Variants in FKBP5 observed in about 807,000 individuals in gnomAD.
FKBP5 encodes the protein FKBP prolyl isomerase 5.
Under a neutral mutation model 50.5 loss-of-function variants are expected in FKBP5, and 23 were observed. The ratio of observed to expected loss-of-function variants is 0.46; its 90% CI spans 0.33 to 0.65. The LOEUF (loss-of-function observed/expected upper bound fraction) is 0.65, where lower values mean the gene tolerates loss of function less well. FKBP5 is among the 30% of genes least tolerant of loss of function. The pLI is 0.02. For missense variants in FKBP5, 411 were observed against 553.1 expected (o/e 0.74, Z 2.58); for synonymous variants, 176 against 190.6 (o/e 0.92, Z 0.63).
At chr6:35,615,930 GT>G (rs1284528854) in intron 5 of FKBP5, among the ~76,000 whole-genome samples, 9 of 152,130 alleles carry the variant, frequency 5.9e-5, no homozygotes, top group Admixed American at 5.9e-4. Context: ...CACTTCAGTG[GT>G]ATTTTCAAAA....
At chr6:35,588,622 AC>A (rs1762690427) in intron 7 of FKBP5, among the ~76,000 whole-genome samples, 1 of 150,090 alleles carries the variant, frequency 6.7e-6, no homozygotes, top group Non-Finnish European at 1.5e-5. Context: ...TTTTTTTGAG[AC>A]AGGATCTTGC....
chr6:35,707,301 C>G (rs1291014414), intron 2 of FKBP5, among the ~76,000 whole-genome samples: 4 of 149,416 alleles, frequency 2.7e-5, no homozygotes, highest in Non-Finnish European at 4.4e-5. Flanking sequence ...ACCACAACCT[C>G]TGCCTCCCAG....
intron 2 of FKBP5, among the ~76,000 whole-genome samples, chr6:35,713,101 A>AAG (rs1766443515): frequency 2.7e-5 from 4 of 149,198 alleles, no homozygotes; most frequent in African/African-American, 4.9e-5. Context: ...AAAAAAAAAA[A>AAG]AAGAAGAAGA....
chr6:35,700,505 C>G (rs1766161073), intron 2 of FKBP5, among the ~76,000 whole-genome samples: 1 of 152,178 alleles, frequency 6.6e-6, no homozygotes, highest in African/African-American at 2.4e-5. Context: ...GGGTATCCAC[C>G]TTGGTAGGCC....
intron 1 of FKBP5, among the ~76,000 whole-genome samples, chr6:35,647,453 T>C (rs1029328988): frequency 6.6e-6 from 1 of 152,216 alleles, no homozygotes; most frequent in African/African-American, 2.4e-5. Context: ...AAACAAGACA[T>C]GTTCCTAACT....
intron 8 of FKBP5, chr6:35,585,781 A>G (rs1762580526): frequency 1.0e-6 from 1 of 985,210 alleles, no homozygotes; most frequent in African/African-American, 1.7e-5. Flanking sequence ...CTTATAACAT[A>G]TTGCAATACA....
At chr6:35,583,012 A>T in intron 8 of FKBP5, 1 of 906,194 alleles carries the variant, frequency 1.1e-6, no homozygotes, top group South Asian at 5.1e-5. Flanking sequence ...TCTTAAGTCC[A>T]GGAGTTCGAA....
intron 1 of FKBP5, among the ~76,000 whole-genome samples, chr6:35,647,201 C>A (rs1404173972): frequency 6.6e-6 from 1 of 152,014 alleles, no homozygotes; most frequent in Non-Finnish European, 1.5e-5. Flanking sequence ...TTCAAGTAAG[C>A]AGAAAGCAAA....
intron 2 of FKBP5, among the ~76,000 whole-genome samples, chr6:35,695,250 G>C (rs917565765): frequency 1.8e-4 from 27 of 152,132 alleles, no homozygotes; most frequent in African/African-American, 6.3e-4. Context: ...TGCAACCTCC[G>C]CCTCCTGGGT....
chr6:35,628,091 G>C (rs1268747655), intron 3 of FKBP5, among the ~76,000 whole-genome samples: 2 of 151,870 alleles, frequency 1.3e-5, no homozygotes, highest in South Asian at 4.2e-4. Flanking sequence ...TATTCTTATG[G>C]GAAGGTTTCT....
intron 2 of FKBP5, among the ~76,000 whole-genome samples, chr6:35,702,958 G>C (rs969478791): frequency 3.3e-5 from 5 of 151,990 alleles, no homozygotes; most frequent in African/African-American, 1.2e-4. Context: ...TTTTTTCAAA[G>C]TTAAATTCAG....
intron 1 of FKBP5, among the ~76,000 whole-genome samples, chr6:35,678,893 G>A (rs1417160683): frequency 6.6e-6 from 1 of 152,272 alleles, no homozygotes; most frequent in East Asian, 1.9e-4. Context: ...ACCAGCTTGA[G>A]CAACATAGTG....
intron 8 of FKBP5, chr6:35,581,523 G>A: frequency 1.1e-6 from 1 of 936,430 alleles, no homozygotes; most frequent in African/African-American, 1.8e-5. Flanking sequence ...CTAAGAGGCA[G>A]AGGTTGCAGT....
intron 2 of FKBP5, among the ~76,000 whole-genome samples, chr6:35,639,187 A>C (rs75445693): frequency 0.024 from 3,584 of 152,282 alleles, 95 homozygotes; most frequent in African/African-American, 0.056. Flanking sequence ...TTACTATAGG[A>C]CAGGCACTAT....
intron 1 of FKBP5, among the ~76,000 whole-genome samples, chr6:35,683,631 A>AT (rs1414863470): frequency 7.6e-6 from 1 of 131,392 alleles, no homozygotes; most frequent in Admixed American, 7.8e-5. Context: ...ATGACTGGCT[A>AT]ATTTTTTTTT....
At chr6:35,619,791 T>C (rs1290429123) in intron 4 of FKBP5, among the ~76,000 whole-genome samples, 3 of 152,200 alleles carry the variant, frequency 2.0e-5, no homozygotes, top group Admixed American at 1.3e-4. Context: ...CAACGTGACA[T>C]AGGCATATTT....
upstream of FKBP5, among the ~76,000 whole-genome samples, chr6:35,693,544 G>GAGTC (rs748239664): frequency 2.2e-4 from 33 of 150,886 alleles, no homozygotes; most frequent in Non-Finnish European, 1.9e-4. Context: ...TTTTGAGACA[G>GAGTC]AGTCTTGCTC....
upstream of FKBP5, among the ~76,000 whole-genome samples, chr6:35,689,594 G>A (rs747900103): frequency 1.6e-4 from 24 of 152,136 alleles, no homozygotes; most frequent in Admixed American, 1.2e-3. Context: ...TGTAATCCCA[G>A]CACTTTGGAA....
chr6:35,686,819 A>AT (rs59134480), intron 1 of FKBP5, among the ~76,000 whole-genome samples: 13,898 of 152,280 alleles, frequency 0.091, 1,305 homozygotes, highest in African/African-American at 0.25. Context: ...CTAATGCAAT[A>AT]TTTTAAGTTT....
Sources: allele counts gnomAD v4.1 joint callset (sites outside exome capture counted in the v4.1 genomes callset), GRCh38; gene constraint gnomAD v4.1.1; transcripts MANE v1.5; gene names NCBI Gene and HGNC (gene_info 2026-07-23, HGNC 2026-07-21).